Variants in SVOPL observed in about 807,000 individuals in gnomAD.
SVOPL encodes the protein SVOP like.
SVOPL carries 60 observed loss-of-function variants against 61.0 expected under a neutral mutation model. That is an observed-to-expected ratio of 0.98 (90% confidence interval 0.80 to 1.22). The LOEUF (loss-of-function observed/expected upper bound fraction) is 1.22, where lower values mean the gene tolerates loss of function less well. SVOPL is among the 50% of genes most tolerant of loss of function. The pLI is 0.00. For synonymous variants in SVOPL, 279 were observed against 250.0 expected (o/e 1.12, Z -1.09); for missense variants, 662 against 643.9 (o/e 1.03, Z -0.30).
chr7:138,669,776 C>G (rs1037673602), intron 4 of SVOPL, among the ~76,000 whole-genome samples: 1 of 152,250 alleles, frequency 6.6e-6, no homozygotes, highest in Non-Finnish European at 1.5e-5. Flanking sequence ...TTGGTAATCA[C>G]TCTTGTGATT....
chr7:138,660,943 T>G (rs532148246), intron 5 of SVOPL: 13 of 983,670 alleles, frequency 1.3e-5, no homozygotes, highest in South Asian at 4.7e-5. Context: ...AAGGAAAAAT[T>G]ATATCTTGCT....
At chr7:138,622,592 C>A (rs914931146) in intron 13 of SVOPL, among the ~76,000 whole-genome samples, 7 of 152,180 alleles carry the variant, frequency 4.6e-5, no homozygotes, top group African/African-American at 1.7e-4. Context: ...CAGGCGTGAG[C>A]CACCATGCCC....
chr7:138,637,976 A>C (rs1244261742), intron 9 of SVOPL, among the ~76,000 whole-genome samples: 1 of 151,898 alleles, frequency 6.6e-6, no homozygotes, highest in Non-Finnish European at 1.5e-5. Flanking sequence ...AAAATAAATA[A>C]AAAATAAAAC....
intron 9 of SVOPL, among the ~76,000 whole-genome samples, chr7:138,633,446 G>A (rs752582412): frequency 5.9e-5 from 9 of 152,000 alleles, no homozygotes; most frequent in African/African-American, 1.2e-4. Context: ...CACCTCTCTC[G>A]CTCCTTCTCT....
At chr7:138,662,320 G>A (rs1388347388) in intron 5 of SVOPL, 1 of 985,404 alleles carries the variant, frequency 1.0e-6, no homozygotes, top group Non-Finnish European at 1.2e-6. Flanking sequence ...TTGTAATTTG[G>A]ACTTCTCTTT....
chr7:138,662,068 G>A lies in SVOPL; in HGVS notation c.345+1006C>T, dbSNP rs142450189. ...ATCTGGCCCTCCTTTCCTTTAGGTT[G>A]AGGTCTACAGTTTGGGTGGCTTCTT... is the stretch of plus-strand genomic sequence containing the variant. On this transcript the variant is annotated intron_variant, in intron 5 of 15. Transcript: ENST00000674285. The A allele has an allele frequency of 1.1e-4, 104 of 985,434 alleles. No individual in the cohort carries two copies. In the East Asian group the frequency reaches 8.5e-3, roughly 81 times the overall value. 61.0% of individuals were successfully genotyped at this position (985,434 alleles called of 1,614,324 possible).
chr7:138,627,492 G>T (rs764729020), intron 11 of SVOPL, 31 bp from the exon 12 acceptor site: 1 of 1,559,092 alleles, frequency 6.4e-7, no homozygotes, highest in Non-Finnish European at 8.8e-7. Context: ...ATAATTTCTG[G>T]AACCTTGGAA....
Position 138,649,045 on chromosome 7 carries a change from G to C in SVOPL, c.627C>G (p.Ser209=), listed in dbSNP as rs1294595439. 10 of 1,613,840 alleles carry C rather than the reference G, an allele frequency of 6.2e-6. No homozygotes were observed. Among genetic ancestry groups the C allele is most frequent in the Non-Finnish European group, 8.5e-6 (10 of 1,179,956 alleles). ...CCACGATGAGGATGATGCCCGGGAT[G>C]GAGGCGACGCGAATGAGCCAGCGCC... ...IGWRWLIRVA[S]IPGIILIVAF... The change falls in exon 8 of 16, where the codon TCC becomes TCG. Residue 209 remains serine, a synonymous_variant. Transcript: ENST00000674285.
intron 10 of SVOPL, among the ~76,000 whole-genome samples, chr7:138,629,127 A>ATGTGTGTGTGTG (rs71520009): frequency 5.0e-4 from 33 of 66,096 alleles, no homozygotes; most frequent in Non-Finnish European, 7.3e-4. Flanking sequence ...TGTTTTATAT[A>ATGTGTGTGTGTG]TGTGTGTGTG....
At chr7:138,622,141 T>TCTAA in intron 13 of SVOPL, among the ~76,000 whole-genome samples, 2 of 133,980 alleles carry the variant, frequency 1.5e-5, no homozygotes, top group African/African-American at 5.2e-5. Flanking sequence ...TATCTATGTA[T>TCTAA]CTATCTATGT....
chr7:138,697,932 G>A (rs400800), intron 1 of SVOPL, among the ~76,000 whole-genome samples: 43,406 of 151,542 alleles, frequency 0.29, 6,581 homozygotes, highest in African/African-American at 0.39. Flanking sequence ...AAATCTTTAC[G>A]TATAATTTTA....
chr7:138,620,960 C>T (rs1347845152), intron 14 of SVOPL, 86 bp downstream of exon 14: 33 of 1,218,000 alleles, frequency 2.7e-5, no homozygotes, highest in Non-Finnish European at 3.5e-5. Flanking sequence ...AGAAATCCTC[C>T]GTTCTGCCTT....
At chr7:138,641,006 T>A (rs367860648) in intron 9 of SVOPL, among the ~76,000 whole-genome samples, 1 of 152,020 alleles carries the variant, frequency 6.6e-6, no homozygotes, top group East Asian at 1.9e-4. Context: ...AGTTCAAGAC[T>A]GGCCTGAGCA....
At chr7:138,638,749 T>G (rs117604601) in intron 9 of SVOPL, among the ~76,000 whole-genome samples, 1 of 152,224 alleles carries the variant, frequency 6.6e-6, no homozygotes, top group East Asian at 1.9e-4. Context: ...CAAATAATAT[T>G]AAATATTGCA....
chr7:138,659,776 C>T (rs1801918341), intron 6 of SVOPL, 88 bp downstream of exon 6: 1 of 1,286,554 alleles, frequency 7.8e-7, no homozygotes, highest in Non-Finnish European at 1.1e-6. Context: ...GTTCACAATG[C>T]TTTTGGTCTA....
chr7:138,670,616 A>G (rs1052881455), intron 4 of SVOPL, among the ~76,000 whole-genome samples: 28 of 152,124 alleles, frequency 1.8e-4, no homozygotes, highest in Admixed American at 6.5e-4. Flanking sequence ...CCTGTCAACC[A>G]AACTATCTTT....
At position 138,665,485 on chromosome 7, in the gene SVOPL, A is replaced by G. The variant is rs569432456; in HGVS notation, c.274-2340T>C. 4.7e-3 allele frequency among the ~76,000 whole-genome samples: 719 copies of G among 152,090 alleles called. 8 individuals are homozygous for G. Among genetic ancestry groups the G allele is most frequent in the African/African-American group, 0.016 (670 of 41,512 alleles). On this transcript the variant is annotated intron_variant, in intron 4 of 15. Transcript: ENST00000674285. ...GGGAGAGTTCAGCTGCTTAGAGAGAAGTCTTCTGAGCTGTGATGGCCTAAT... is the reference window on the plus strand; with the variant it reads ...GGGAGAGTTCAGCTGCTTAGAGAGAGGTCTTCTGAGCTGTGATGGCCTAAT...
chr7:138,676,436 G>A (rs1027379404), intron 3 of SVOPL, among the ~76,000 whole-genome samples: 3 of 151,870 alleles, frequency 2.0e-5, no homozygotes, highest in Non-Finnish European at 2.9e-5. Context: ...CGTGTCCTTC[G>A]AGAGTGGAGG....
chr7:138,691,737 C>T (rs1414130736), intron 1 of SVOPL, among the ~76,000 whole-genome samples: 3 of 151,976 alleles, frequency 2.0e-5, no homozygotes, highest in Non-Finnish European at 4.4e-5. Context: ...GACGGGGTTT[C>T]GCCACGTTGG....
Sources: allele counts gnomAD v4.1 joint callset (sites outside exome capture counted in the v4.1 genomes callset), GRCh38; gene constraint gnomAD v4.1.1; transcripts MANE v1.5; gene names NCBI Gene and HGNC (gene_info 2026-07-23, HGNC 2026-07-21).